Variants in OVCH2 observed in about 807,000 individuals in gnomAD.
OVCH2 encodes ovochymase-2.
A neutral mutation model predicts 73.7 loss-of-function variants in OVCH2; 88 were observed. The observed-to-expected ratio is 1.19, with a 90% CI of 1.01 to 1.43. The LOEUF (loss-of-function observed/expected upper bound fraction) is 1.43, where lower values mean the gene tolerates loss of function less well. OVCH2 is among the 40% of genes most tolerant of loss of function. OVCH2 has a pLI of 0.00. For synonymous variants in OVCH2, 265 were observed against 234.5 expected (o/e 1.13, Z -1.19); for missense variants, 706 against 674.5 (o/e 1.05, Z -0.52).
intron 8 of OVCH2, 71 bp from the exon 9 acceptor site, chr11:7,696,870 C>T: frequency 7.4e-7 from 1 of 1,354,870 alleles, no homozygotes. Context: ...CCTCCAGAAG[C>T]TGCAAACACC....
At chr11:7,703,071 G>C (rs1487882827) in intron 3 of OVCH2, among the ~76,000 whole-genome samples, 1 of 152,180 alleles carries the variant, frequency 6.6e-6, no homozygotes, top group Non-Finnish European at 1.5e-5. Context: ...TCATGTCTTA[G>C]TCATTTTGGT....
intron 2 of OVCH2, among the ~76,000 whole-genome samples, chr11:7,704,260 C>G (rs1856494239): frequency 6.6e-6 from 1 of 152,156 alleles, no homozygotes; most frequent in African/African-American, 2.4e-5. Context: ...GGATCTACCA[C>G]TTTTCTCATA....
At chr11:7,700,530 T>C in intron 6 of OVCH2, 45 bp from the exon 7 acceptor site, 3 of 1,537,902 alleles carry the variant, frequency 2.0e-6, no homozygotes, top group Non-Finnish European at 8.8e-7. Flanking sequence ...TCAGTGTCTA[T>C]GCCCCAAAAT....
At position 7,698,762 on chromosome 11, in the gene OVCH2, T is replaced by G; in HGVS notation, c.913A>C (p.Lys305Gln). The G allele has an allele frequency of 6.2e-7, 1 of 1,612,820 alleles. No homozygotes were observed. Among genetic ancestry groups the G allele is most frequent in the Non-Finnish European group, 8.5e-7 (1 of 1,179,544 alleles). Residue 305 changes from lysine to glutamine, a missense_variant, in exon 8 of 16, where the codon AAG becomes CAG. Physicochemically the swap from Lys to Gln is moderately conservative, Grantham distance 53. Coordinates refer to ENST00000533663, the MANE Select transcript of OVCH2 (RefSeq NM_198185.7). ...HEHIQTGNRR[K>Q]SSRAWCSEQD... Reference sequence around the variant, plus strand: ...AAGGGATACCCACCTCTGGAGCTCTTTCTCCGATTACCTGGGAAAGGAAAA... The same window carrying G: ...AAGGGATACCCACCTCTGGAGCTCTGTCTCCGATTACCTGGGAAAGGAAAA...
intron 1 of OVCH2, 82 bp downstream of exon 1, chr11:7,706,225 G>T: frequency 1.5e-6 from 2 of 1,341,810 alleles, no homozygotes; most frequent in South Asian, 2.8e-5. Context: ...TTTCCCAAAG[G>T]AACATGGAGT....
At chr11:7,685,814 G>A (rs920755907), downstream of OVCH2, among the ~76,000 whole-genome samples, 2 of 152,152 alleles carry the variant, frequency 1.3e-5, no homozygotes, top group South Asian at 2.1e-4. Flanking sequence ...CATGTCACAG[G>A]TGTTCAGTAA....
At chr11:7,682,583 T>C in the OVCH2 span, among the ~76,000 whole-genome samples, 3 of 152,200 alleles carry the variant, frequency 2.0e-5, no homozygotes, top group Non-Finnish European at 2.9e-5. Flanking sequence ...TCCTCTGCAT[T>C]TCCTCCAGTT....
Position 7,695,181 on chromosome 11 carries a change from A to T in OVCH2, c.1290T>A (p.Gly430=). 1 of 1,555,312 alleles carries T rather than the reference A, an allele frequency of 6.4e-7. No individual in the cohort carries two copies. Among genetic ancestry groups the T allele is most frequent in the Non-Finnish European group, 8.7e-7 (1 of 1,151,794 alleles). The part of the protein sequence containing the change: ...ALKPNYIPDS[G]CSYLTVLFEE... The stretch of plus-strand genomic sequence containing the variant: ...CAAAAAGGACAGTTAAGTAACTGCA[A>T]CCTGAATCTGAAACGTAAGAAAAAG... The change falls in exon 12 of 16, where the codon GGT becomes GGA. Residue 430 remains glycine (G), a synonymous_variant. Coordinates refer to ENST00000533663, the MANE Select transcript of OVCH2 (RefSeq NM_198185.7).
chr11:7,684,816 T>C, downstream of OVCH2, among the ~76,000 whole-genome samples: 1 of 151,734 alleles, frequency 6.6e-6, no homozygotes. Flanking sequence ...GGAACTTAGG[T>C]TGAGGGAACA....
At chr11:7,693,047 G>A (rs1856252089) in intron 12 of OVCH2, among the ~76,000 whole-genome samples, 1 of 152,240 alleles carries the variant, frequency 6.6e-6, no homozygotes, top group Non-Finnish European at 1.5e-5. Flanking sequence ...AGAAGGAACA[G>A]TGTGAAGGAG....
intron 6 of OVCH2, 120 bp downstream of exon 6, chr11:7,701,204 C>A: frequency 7.9e-7 from 1 of 1,272,962 alleles, no homozygotes; most frequent in Admixed American, 2.9e-5. Flanking sequence ...ATTCTTTATT[C>A]TACCCCTCCA....
downstream of OVCH2, among the ~76,000 whole-genome samples, chr11:7,686,550 A>G (rs766862728): frequency 1.1e-4 from 16 of 152,214 alleles, no homozygotes; most frequent in Non-Finnish European, 1.6e-4. Flanking sequence ...ACATTTTTAA[A>G]ATTATTAAAA....
At position 7,696,739 on chromosome 11, in the gene OVCH2, T is replaced by C; in HGVS notation, c.986A>G (p.Glu329Gly). 6.2e-6 allele frequency: 10 copies of C among 1,613,520 alleles called. No individual in the cohort carries two copies. Among genetic ancestry groups the C allele is most frequent in the Non-Finnish European group, 8.5e-6 (10 of 1,179,718 alleles). ...SGAEGKLHFP[E>G]SLHLYYESKQ... is the part of the protein sequence containing the mutation. ...GCTCTCATAATATAGGTGGAGGCTT[T>C]CTGGGAAGTGCAGCTTCCCCTCAGC... Residue 329 changes from glutamate to glycine, a missense_variant, in exon 9 of 16, where the codon GAA becomes GGA. Coordinates refer to ENST00000533663, the MANE Select transcript of OVCH2 (RefSeq NM_198185.7).
rs1231159352 is a variant in OVCH2 at position 7,702,293 on chromosome 11, C to T, written c.327G>A (p.Glu109=). The T allele has an allele frequency of 1.2e-6, 2 of 1,609,444 alleles. No homozygotes were observed. The highest frequency in any genetic ancestry group is 1.3e-5 in the African/African-American group (1 of 74,714). The change falls in exon 4 of 16, where the codon GAG becomes GAA. Residue 109 remains glutamate, a synonymous_variant. Transcript: ENST00000533663. ...CTGGGTCTGTCTGGCTTAAGTCATA[C>T]TCTCCAGCAGTAACATTCAAAGTAG... ...IVSTLNVTAG[E]YDLSQTDPGE... is the part of the protein sequence containing the mutation.
chr11:7,700,193 G>C, intron 7 of OVCH2, 103 bp downstream of exon 7: 3 of 1,116,904 alleles, frequency 2.7e-6, no homozygotes, highest in East Asian at 2.5e-5. Context: ...AACAGAGGTA[G>C]AGCCTGTTGG....
At position 7,696,736 on chromosome 11, in the gene OVCH2, C is replaced by G; in HGVS notation, c.989G>C (p.Ser330Thr). ...GAEGKLHFPE[S>T]LHLYYESKQR... is the part of the protein sequence containing the mutation. ...CTTGCTCTCATAATATAGGTGGAGG[C>G]TTTCTGGGAAGTGCAGCTTCCCCTC... The change falls in exon 9 of 16, where the codon AGC (serine) becomes ACC (threonine). Residue 330 changes from serine (S) to threonine (T), a missense_variant. Coordinates refer to ENST00000533663, the MANE Select transcript of OVCH2 (RefSeq NM_198185.7). 1 of 1,613,506 alleles carries G rather than the reference C, an allele frequency of 6.2e-7. No individual in the cohort carries two copies. Among genetic ancestry groups the G allele is most frequent in the Non-Finnish European group, 8.5e-7 (1 of 1,179,722 alleles).
chr11:7,702,392 T>G (rs920510089), intron 3 of OVCH2, 63 bp from the exon 4 acceptor site: 1 of 1,268,196 alleles, frequency 7.9e-7, no homozygotes, highest in African/African-American at 1.5e-5. Flanking sequence ...GTTGCAATGG[T>G]TGACACACTA....
At chr11:7,680,584 TG>T in the OVCH2 span, among the ~76,000 whole-genome samples, 324 of 152,096 alleles carry the variant, frequency 2.1e-3, no homozygotes, top group Non-Finnish European at 3.8e-3. Context: ...ACTTTGAAGA[TG>T]GGGGGAGGGG....
In OVCH2 at chr11:7,696,465, C is replaced by T. The variant is rs767027083; in HGVS notation, c.1141G>A (p.Gly381Arg). ...SMYSLEDRPI[G>R]KFCGESLPSS... is the part of the protein sequence containing the mutation. ...TTTGACACTGTGAAAATCCACTCAC[C>T]AATGGGTCTGTCTTCTAAAGAATAC... The change falls in exon 10 of 16, where the codon GGA becomes AGA. Residue 381 changes from glycine to arginine, a missense_variant and splice_region_variant. Physicochemically the swap from Gly to Arg is moderately radical, Grantham distance 125. Coordinates refer to ENST00000533663, the MANE Select transcript of OVCH2 (RefSeq NM_198185.7). 2 of 1,613,848 alleles carry T rather than the reference C, an allele frequency of 1.2e-6. No homozygotes were observed. Among genetic ancestry groups the T allele is most frequent in the African/African-American group, 1.3e-5 (1 of 74,918 alleles).
Sources: allele counts gnomAD v4.1 joint callset (sites outside exome capture counted in the v4.1 genomes callset), GRCh38; gene constraint gnomAD v4.1.1; transcripts MANE v1.5; gene names NCBI Gene and HGNC (gene_info 2026-07-23, HGNC 2026-07-21).